SDAD1: variants seen among roughly 807,000 people sequenced by gnomAD.
The protein encoded by SDAD1 is protein SDA1 homolog.
A neutral mutation model predicts 100.3 loss-of-function variants in SDAD1; 79 were observed. The ratio of observed to expected loss-of-function variants is 0.79; its 90% CI spans 0.66 to 0.95. The LOEUF (loss-of-function observed/expected upper bound fraction) is 0.95, where lower values mean the gene tolerates loss of function less well. Ranked by LOEUF, SDAD1 falls within the 40% of genes least tolerant of loss-of-function variation. The pLI, the probability that SDAD1 is intolerant of heterozygous loss-of-function variation, is 0.00. For synonymous variants in SDAD1, 267 were observed against 271.4 expected (o/e 0.98, Z 0.16); for missense variants, 790 against 810.9 (o/e 0.97, Z 0.31).
chr4:75,986,213 G>A (rs1730882815), intron 1 of SDAD1, among the ~76,000 whole-genome samples: 3 of 152,024 alleles, frequency 2.0e-5, no homozygotes, highest in Admixed American at 2.0e-4. Context: ...CAAACTCCTG[G>A]GTTTAATCAA....
Position 75,990,897 on chromosome 4 carries a change from C to T in SDAD1, c.-56G>A. The T allele has an allele frequency of 6.2e-7, 1 of 1,608,038 alleles. No homozygotes were observed. ...GTTTTAAAAAAACTCAGACGGCCGG[C>T]ACCCCGCAATCCCTGCCAGCTGCAG... On this transcript the variant is annotated 5_prime_UTR_variant, in exon 1 of 22. Transcript: ENST00000356260.
rs1729794520 is a variant in SDAD1 at position 75,970,335 on chromosome 4, G to T, written c.857C>A (p.Ala286Asp). Residue 286 changes from alanine to aspartate, a missense_variant, in exon 10 of 22, where the codon GCC (alanine) becomes GAC (aspartate). Transcript: ENST00000356260. ...KKKPEVFNFSAIHLIHDPQDF... is the reference protein window; with the variant it reads ...KKKPEVFNFSDIHLIHDPQDF... ...TTGGGGATCATGAATCAAGTGAATG[G>T]CTGAAAAGTTAAACACCTCTGGTTT... 1.2e-6 allele frequency: 2 copies of T among 1,613,754 alleles called. No individual in the cohort carries two copies. The highest frequency in any genetic ancestry group is 1.7e-6 in the Non-Finnish European group (2 of 1,179,836).
chr4:75,979,262 G>A (rs1417033853), intron 3 of SDAD1, among the ~76,000 whole-genome samples: 1 of 151,898 alleles, frequency 6.6e-6, no homozygotes, highest in Non-Finnish European at 1.5e-5. Context: ...AGGACAGAGT[G>A]AACAAAATCT....
chr4:75,967,454 G>GT, intron 11 of SDAD1, 120 bp from the exon 12 acceptor site: 1 of 841,344 alleles, frequency 1.2e-6, no homozygotes, highest in South Asian at 1.6e-5. Context: ...TTTTTTCTCA[G>GT]TAAGCAATCA....
intron 21 of SDAD1, 61 bp from the exon 22 acceptor site, chr4:75,950,858 G>A: frequency 1.7e-6 from 2 of 1,191,166 alleles, no homozygotes; most frequent in Non-Finnish European, 2.4e-6. Context: ...TACGAATTTG[G>A]TTACATGAAA....
intron 7 of SDAD1, 66 bp from the exon 8 acceptor site, chr4:75,973,457 A>T: frequency 2.6e-6 from 3 of 1,157,790 alleles, no homozygotes; most frequent in East Asian, 2.3e-5. Context: ...AATCCTTTTG[A>T]GTATGCTTTA....
In SDAD1 at chr4:75,970,290, G is replaced by T; in HGVS notation, c.883+19C>A. 6.2e-7 allele frequency: 1 copy of T among 1,604,290 alleles called. No individual in the cohort carries two copies. The highest frequency in any genetic ancestry group is 8.5e-7 in the Non-Finnish European group (1 of 1,171,678). ...CAGAGATAAGGCCAACAAGGAACTC[G>T]GACGTCATAATAACGTACCTTGGGG... is the stretch of plus-strand genomic sequence containing the variant. On this transcript the variant is annotated intron_variant, in intron 10 of 21. Transcript: ENST00000356260.
intron 21 of SDAD1, among the ~76,000 whole-genome samples, chr4:75,955,617 T>A (rs1048778069): frequency 6.6e-6 from 1 of 152,192 alleles, no homozygotes; most frequent in East Asian, 1.9e-4. Flanking sequence ...TCAATTAATT[T>A]TGATATTATA....
intron 21 of SDAD1, 108 bp downstream of exon 21, chr4:75,955,865 GAC>G: frequency 8.0e-7 from 1 of 1,247,624 alleles, no homozygotes; most frequent in Non-Finnish European, 1.1e-6. Context: ...ATGCTCCCAA[GAC>G]ACACACAATA....
Position 75,965,772 on chromosome 4 carries a change from G to A in SDAD1, c.1096C>T (p.Pro366Ser), listed in dbSNP as rs1373258561. 5.0e-6 allele frequency: 8 copies of A among 1,613,240 alleles called. No individual in the cohort carries two copies. Among genetic ancestry groups the A allele is most frequent in the East Asian group, 4.5e-5 (2 of 44,882 alleles). Reference sequence around the variant, plus strand: ...AGGTTACAGGTTCTCACCTCTGGGGGTACTAGGTGATGAGATGCTTGTGCA... The same window carrying A: ...AGGTTACAGGTTCTCACCTCTGGGGATACTAGGTGATGAGATGCTTGTGCA... ...FAAQASHHLV[P>S]PEIIQSLLMT... The change falls in exon 13 of 22, where the codon CCC becomes TCC. Residue 366 changes from proline (P) to serine (S), a missense_variant. Coordinates refer to ENST00000356260, the MANE Select transcript of SDAD1 (RefSeq NM_018115.4).
intron 7 of SDAD1, among the ~76,000 whole-genome samples, 184 bp from the exon 8 acceptor site, chr4:75,973,575 T>A (rs894264183): frequency 6.6e-6 from 1 of 152,184 alleles, no homozygotes; most frequent in African/African-American, 2.4e-5. Context: ...TAATAAATAA[T>A]TTTAAAAACT....
At chr4:75,952,630 T>G (rs921209679) in intron 21 of SDAD1, among the ~76,000 whole-genome samples, 17 of 151,944 alleles carry the variant, frequency 1.1e-4, no homozygotes, top group African/African-American at 3.9e-4. Flanking sequence ...GGTAGGGGGG[T>G]GTGTGAAGTG....
chr4:75,965,988 A>G (rs1729516681), intron 12 of SDAD1, among the ~76,000 whole-genome samples, 166 bp from the exon 13 acceptor site: 1 of 152,056 alleles, frequency 6.6e-6, no homozygotes, highest in Non-Finnish European at 1.5e-5. Flanking sequence ...CACTTTCTTC[A>G]GGTCCCTACT....
intron 17 of SDAD1, among the ~76,000 whole-genome samples, chr4:75,959,097 CAAAAAAAA>C (rs61245198): frequency 1.3e-4 from 7 of 54,986 alleles, no homozygotes; most frequent in African/African-American, 3.3e-4. Flanking sequence ...GACTCTGTCT[CAAAAAAAA>C]AAAAAAAAAA....
intron 21 of SDAD1, among the ~76,000 whole-genome samples, chr4:75,954,976 T>G (rs573605236): frequency 2.0e-5 from 3 of 152,188 alleles, no homozygotes; most frequent in Admixed American, 6.5e-5. Context: ...TTCTGAGAAT[T>G]TGTGGTCTAA....
In SDAD1 at chr4:75,964,120, C is replaced by G; in HGVS notation, c.1181+15G>C. ...TAAACAATGTATCTTCTGCCTCCAACCAGATTCTACATACCCTACTGTCAT... is the reference window on the plus strand; with the variant it reads ...TAAACAATGTATCTTCTGCCTCCAAGCAGATTCTACATACCCTACTGTCAT... On this transcript the variant is annotated intron_variant, in intron 14 of 21. Coordinates refer to ENST00000356260, the MANE Select transcript of SDAD1 (RefSeq NM_018115.4). The G allele has an allele frequency of 6.3e-7, 1 of 1,576,008 alleles. No homozygotes were observed. Among genetic ancestry groups the G allele is most frequent in the East Asian group, 2.2e-5 (1 of 44,494 alleles).
Position 75,955,963 on chromosome 4 carries a change from A to G in SDAD1, c.2016+12T>C, listed in dbSNP as rs1728864834. Reference sequence around the variant, plus strand: ...TGCTGTTCTTGCCACCCAAGCTTCAAGTGGAACTCACCTGTTTTTCTCGGA... The same window carrying G: ...TGCTGTTCTTGCCACCCAAGCTTCAGGTGGAACTCACCTGTTTTTCTCGGA... On this transcript the variant is annotated intron_variant, in intron 21 of 21. Transcript: ENST00000356260. The G allele has an allele frequency of 6.3e-7, 1 of 1,586,070 alleles. No homozygotes were observed. The highest frequency in any genetic ancestry group is 8.5e-7 in the Non-Finnish European group (1 of 1,171,814).
intron 17 of SDAD1, among the ~76,000 whole-genome samples, chr4:75,958,457 C>T (rs1340074707): frequency 6.6e-6 from 1 of 152,178 alleles, no homozygotes; most frequent in Non-Finnish European, 1.5e-5. Flanking sequence ...TTAAAGAATC[C>T]TGAAGACACC....
chr4:75,980,591 G>T (rs959652576), intron 3 of SDAD1, among the ~76,000 whole-genome samples: 1 of 149,594 alleles, frequency 6.7e-6, no homozygotes, highest in Non-Finnish European at 1.5e-5. Flanking sequence ...AAGGAAGGAG[G>T]ATAGTGCAGA....
Sources: allele counts gnomAD v4.1 joint callset (sites outside exome capture counted in the v4.1 genomes callset), GRCh38; gene constraint gnomAD v4.1.1; transcripts MANE v1.5; gene names NCBI Gene and HGNC (gene_info 2026-07-23, HGNC 2026-07-21).